The following XPR1 variants were observed in gnomAD, a reference collection of about 807,000 sequenced individuals.
XPR1 encodes xenotropic and polytropic retrovirus receptor 1.
In XPR1, 28 loss-of-function variants were observed where a neutral mutation model predicts 87.5. The ratio of observed to expected loss-of-function variants is 0.32; its 90% CI spans 0.24 to 0.44. XPR1 has a LOEUF of 0.44. Ranked by LOEUF, XPR1 falls within the 20% of genes least tolerant of loss-of-function variation. The probability of loss-of-function intolerance (pLI) is 1.00; values close to 1 mark genes in which losing one functional copy is unlikely to be tolerated. For synonymous variants in XPR1, 300 were observed against 306.1 expected, an observed-to-expected ratio of 0.98 and a Z score of 0.21; for missense variants, 559 against 862.3, an observed-to-expected ratio of 0.65 and a Z score of 4.41.
At chr1:180,685,443 T>C (rs570653034) in intron 2 of XPR1, among the ~76,000 whole-genome samples, 5 of 152,316 alleles carry the variant, frequency 3.3e-5, no homozygotes, top group Admixed American at 2.0e-4. Flanking sequence ...TGGTCTAAAA[T>C]TCTCTTTTTT....
At chr1:180,673,967 G>A (rs1252683651) in intron 1 of XPR1, among the ~76,000 whole-genome samples, 2 of 152,134 alleles carry the variant, frequency 1.3e-5, no homozygotes, top group East Asian at 1.9e-4. Context: ...ATTCATTTTT[G>A]GAAAATACAG....
chr1:180,848,765 C>G (rs1314952882), intron 11 of XPR1, among the ~76,000 whole-genome samples: 3 of 152,108 alleles, frequency 2.0e-5, no homozygotes, highest in African/African-American at 7.2e-5. Flanking sequence ...AGTGACTATA[C>G]TAGTTTACAT....
intron 2 of XPR1, among the ~76,000 whole-genome samples, chr1:180,778,382 T>C (rs943902662): frequency 6.6e-6 from 1 of 152,212 alleles, no homozygotes; most frequent in Non-Finnish European, 1.5e-5. Context: ...TAAATAACTT[T>C]GGGAAACACA....
chr1:180,798,918 G>C (rs1186123880), intron 3 of XPR1, among the ~76,000 whole-genome samples: 4 of 152,114 alleles, frequency 2.6e-5, no homozygotes, highest in African/African-American at 7.2e-5. Flanking sequence ...CCGGCCTGTT[G>C]TAGTTTTCCA....
At chr1:180,688,896 G>T (rs997852914) in intron 2 of XPR1, among the ~76,000 whole-genome samples, 2 of 151,620 alleles carry the variant, frequency 1.3e-5, no homozygotes, top group African/African-American at 4.9e-5. Flanking sequence ...TCTTTCCCAG[G>T]ATACTTTTGA....
intron 1 of XPR1, among the ~76,000 whole-genome samples, chr1:180,669,088 TAA>T (rs747188399): frequency 4.2e-4 from 47 of 111,762 alleles, no homozygotes; most frequent in Admixed American, 4.7e-4. Flanking sequence ...AAACTCTGTC[TAA>T]AAAAAAAAAA....
intron 13 of XPR1, among the ~76,000 whole-genome samples, chr1:180,874,425 C>T (rs748917265): frequency 1.3e-5 from 2 of 152,108 alleles, no homozygotes; most frequent in Non-Finnish European, 2.9e-5. Context: ...TGCACTGGCT[C>T]ACTCCTGTAA....
At position 180,787,873 on chromosome 1, in the gene XPR1, T is replaced by C; in HGVS notation, c.223+19T>C. 1 of 1,502,118 alleles carries C rather than the reference T, an allele frequency of 6.7e-7. No individual in the cohort carries two copies. Among genetic ancestry groups the C allele is most frequent in the African/African-American group, 1.4e-5 (1 of 71,126 alleles). 93.0% of individuals were successfully genotyped at this position (1,502,118 alleles called of 1,614,324 possible). On this transcript the variant is annotated intron_variant, in intron 3 of 14. Transcript: ENST00000367590. Reference sequence around the variant, plus strand: ...TATTCAGGTGAGTAATTAAGAGACTTTTTTTTTTGCTGCCGGGGAAGGATA... The same window carrying C: ...TATTCAGGTGAGTAATTAAGAGACTCTTTTTTTTGCTGCCGGGGAAGGATA...
At chr1:180,741,039 A>G (rs1423243670) in intron 2 of XPR1, among the ~76,000 whole-genome samples, 1 of 152,186 alleles carries the variant, frequency 6.6e-6, no homozygotes, top group African/African-American at 2.4e-5. Context: ...ATGTCAATGT[A>G]TTTATGAATT....
rs1652316375 is a variant in XPR1 at position 180,864,356 on chromosome 1, C to T, written c.1668+482C>T. Among the ~76,000 whole-genome samples the T allele has an allele frequency of 7.2e-5, 11 of 151,790 alleles. 1 individual carries two copies. The South Asian group carries it at 1.9e-3, about 26-fold the overall frequency. ...GCTATTCATCTTAATCTTTTTTTAC[C>T]CTATATAAACTACCATTATAGCAGT... On this transcript the variant is annotated intron_variant, in intron 12 of 14. Transcript: ENST00000367590.
intron 1 of XPR1, among the ~76,000 whole-genome samples, chr1:180,634,223 C>G (rs1571659284): frequency 1.3e-5 from 2 of 152,148 alleles, no homozygotes; most frequent in Non-Finnish European, 2.9e-5. Context: ...CATTATCTTT[C>G]TCAGGGCAGT....
chr1:180,744,778 G>A (rs923555209), intron 2 of XPR1, among the ~76,000 whole-genome samples: 18 of 150,616 alleles, frequency 1.2e-4, no homozygotes, highest in African/African-American at 4.4e-4. Flanking sequence ...AGCCTCTTGA[G>A]TAGCTGGGAT....
At chr1:180,741,481 G>A (rs1429222465) in intron 2 of XPR1, among the ~76,000 whole-genome samples, 1 of 151,116 alleles carries the variant, frequency 6.6e-6, no homozygotes, top group Non-Finnish European at 1.5e-5. Context: ...TTCTTTTTTG[G>A]AAGGTTTTTT....
At chr1:180,781,275 T>G (rs771340749) in intron 2 of XPR1, among the ~76,000 whole-genome samples, 1 of 151,904 alleles carries the variant, frequency 6.6e-6, no homozygotes, top group Admixed American at 6.6e-5. Context: ...GTACCAGACA[T>G]TATGTTGGGT....
chr1:180,753,022 G>A (rs1283471205), intron 2 of XPR1, among the ~76,000 whole-genome samples: 1 of 152,172 alleles, frequency 6.6e-6, no homozygotes, highest in African/African-American at 2.4e-5. Flanking sequence ...AGATCGTTTA[G>A]CCATACATCA....
intron 3 of XPR1, among the ~76,000 whole-genome samples, chr1:180,791,994 A>G (rs1649408076): frequency 1.3e-5 from 2 of 152,230 alleles, no homozygotes; most frequent in South Asian, 4.1e-4. Context: ...CACTGGTACA[A>G]ATTGGTAGTC....
rs1392939404 is a variant in XPR1, at chr1:180,719,489, A to G, written c.121+37078A>G. Among the ~76,000 whole-genome samples the G allele has an allele frequency of 3.9e-5, 6 of 152,206 alleles. No individual in the cohort carries two copies. The East Asian group carries it at 1.2e-3, about 29-fold the overall frequency. Reference sequence around the variant, plus strand: ...TATTATTCTCTGTACTTTTTGCTTTATTAGTTTTGAAATTTCAATAAAAAG... The same window carrying G: ...TATTATTCTCTGTACTTTTTGCTTTGTTAGTTTTGAAATTTCAATAAAAAG... On this transcript the variant is annotated intron_variant, in intron 2 of 14. Transcript: ENST00000367590.
chr1:180,712,698 C>T (rs1487941527), intron 2 of XPR1, among the ~76,000 whole-genome samples: 1 of 151,882 alleles, frequency 6.6e-6, no homozygotes, highest in Non-Finnish European at 1.5e-5. Context: ...GCCAGGTACT[C>T]GGGAGGCTGA....
intron 11 of XPR1, among the ~76,000 whole-genome samples, chr1:180,839,923 G>A (rs962271874): frequency 1.3e-5 from 2 of 152,184 alleles, no homozygotes; most frequent in African/African-American, 4.8e-5. Flanking sequence ...GTCATCTCTG[G>A]TAAAGAAGTG....
Sources: allele counts gnomAD v4.1 joint callset (sites outside exome capture counted in the v4.1 genomes callset), GRCh38; gene constraint gnomAD v4.1.1; transcripts MANE v1.5; gene names NCBI Gene and HGNC (gene_info 2026-07-23, HGNC 2026-07-21).